DNAJC13: variants seen among roughly 807,000 people sequenced by gnomAD.
The protein encoded by DNAJC13 is dnaJ homolog subfamily C member 13.
DNAJC13 carries 75 observed loss-of-function variants against 290.5 expected under a neutral mutation model. The ratio of observed to expected loss-of-function variants is 0.26; its 90% CI spans 0.21 to 0.31. The LOEUF is 0.31. Ranked by LOEUF, DNAJC13 falls within the 10% of genes least tolerant of loss-of-function variation. The pLI, the probability that DNAJC13 is intolerant of heterozygous loss-of-function variation, is 1.00. For missense variants in DNAJC13, 2,260 were observed against 2,674.5 expected, an observed-to-expected ratio of 0.85 and a Z score of 3.42; for synonymous variants, 862 against 892.0, an observed-to-expected ratio of 0.97 and a Z score of 0.60.
At chr3:132,530,949 A>C (rs1189504208) in intron 54 of DNAJC13, 49 bp from the exon 55 acceptor site, 2 of 1,540,580 alleles carry the variant, frequency 1.3e-6, no homozygotes, top group Admixed American at 1.8e-5. Flanking sequence ...TTGTCTTCCA[A>C]CATCCAGTCC....
intron 1 of DNAJC13, among the ~76,000 whole-genome samples, chr3:132,432,493 C>T (rs569067668): frequency 6.6e-6 from 1 of 152,282 alleles, no homozygotes; most frequent in South Asian, 2.1e-4. Context: ...GCATGAGCCA[C>T]CGCTCCCGGC....
At chr3:132,428,013 GTC>G (rs1939144882) in intron 1 of DNAJC13, among the ~76,000 whole-genome samples, 1 of 152,208 alleles carries the variant, frequency 6.6e-6, no homozygotes, top group African/African-American at 2.4e-5. Flanking sequence ...TGTTGTGCTA[GTC>G]TCTAGTTAAC....
chr3:132,506,541 C>CTTTTTTTTTTTTTTT (rs34151394), intron 42 of DNAJC13, among the ~76,000 whole-genome samples: 4 of 54,758 alleles, frequency 7.3e-5, no homozygotes, highest in Non-Finnish European at 1.3e-4. Flanking sequence ...CAGTGTATTA[C>CTTTTTTTTTTTTTTT]TTTTTTTTTT....
At chr3:132,523,319 C>A in intron 50 of DNAJC13, 120 bp downstream of exon 50, 1 of 1,291,224 alleles carries the variant, frequency 7.7e-7, no homozygotes, top group Non-Finnish European at 1.1e-6. Context: ...GGGTATTCCC[C>A]TGGAAAATAA....
chr3:132,468,593 A>G (rs948636026), intron 20 of DNAJC13, among the ~76,000 whole-genome samples: 2 of 152,206 alleles, frequency 1.3e-5, no homozygotes, highest in Admixed American at 6.5e-5. Context: ...TAGTTTCATC[A>G]CTTGTTAATC....
chr3:132,467,308 A>T lies in DNAJC13; in HGVS notation c.2203A>T (p.Lys735Ter). 1 of 1,612,058 alleles carries T rather than the reference A, an allele frequency of 6.2e-7. No homozygotes were observed. Among genetic ancestry groups the T allele is most frequent in the African/African-American group, 1.3e-5 (1 of 74,958 alleles). Reference protein sequence around the residue: ...HWRDRMGIAQKENINQKPVVL... With the variant: ...HWRDRMGIAQ ...GAGGGATAGGATGGGCATTGCTCAA[A>T]AAGAGGTAAAAATAAAATTTGCTTC... is the stretch of plus-strand genomic sequence containing the variant. The change falls in exon 20 of 56, where the codon AAA (lysine) becomes TAA (stop). Residue 735 changes from lysine to a stop codon, truncating the protein, a stop_gained. Transcript: ENST00000260818. LOFTEE classifies it high-confidence loss of function.
intron 36 of DNAJC13, among the ~76,000 whole-genome samples, chr3:132,497,909 A>G (rs1216021877): frequency 6.6e-6 from 1 of 151,678 alleles, no homozygotes; most frequent in East Asian, 1.9e-4. Flanking sequence ...CCTTTTTTTT[A>G]AAAGCCAGTT....
chr3:132,447,306 T>C lies in DNAJC13; in HGVS notation c.145-15T>C. The C allele has an allele frequency of 3.5e-6, 5 of 1,416,232 alleles. No homozygotes were observed. Among genetic ancestry groups the C allele is most frequent in the Non-Finnish European group, 4.7e-6 (5 of 1,063,506 alleles). 87.7% of individuals were successfully genotyped at this position (1,416,232 alleles called of 1,614,324 possible). ...GTATTATAGTAGCACCAGTCAAAAT[T>C]TTTTTTTTTTTAAGTGGCCTTATGG... is the stretch of plus-strand genomic sequence containing the variant. On this transcript the variant is annotated splice_polypyrimidine_tract_variant and intron_variant, in intron 3 of 55. Transcript: ENST00000260818.
intron 20 of DNAJC13, among the ~76,000 whole-genome samples, chr3:132,468,859 C>G (rs1240036928): frequency 6.6e-6 from 1 of 152,138 alleles, no homozygotes; most frequent in Non-Finnish European, 1.5e-5. Context: ...AATAACAGTT[C>G]TTTCAAGCTG....
intron 19 of DNAJC13, 103 bp downstream of exon 19, chr3:132,466,497 A>T (rs1011580110): frequency 5.7e-5 from 49 of 856,956 alleles, no homozygotes; most frequent in Non-Finnish European, 7.6e-5. Context: ...CAAAGAATTC[A>T]TTGCATTGAA....
intron 27 of DNAJC13, among the ~76,000 whole-genome samples, chr3:132,482,701 A>G (rs943619591): frequency 6.6e-6 from 1 of 151,988 alleles, no homozygotes; most frequent in Admixed American, 6.6e-5. Flanking sequence ...TTGTTAAAAT[A>G]AAAAATAATT....
At chr3:132,440,639 T>C (rs945530056) in intron 2 of DNAJC13, among the ~76,000 whole-genome samples, 5 of 152,356 alleles carry the variant, frequency 3.3e-5, no homozygotes, top group African/African-American at 1.2e-4. Flanking sequence ...CCTTGTAGCC[T>C]AGGAGTGTAG....
chr3:132,495,302 G>T, intron 35 of DNAJC13, 136 bp downstream of exon 35: 1 of 613,800 alleles, frequency 1.6e-6, no homozygotes, highest in South Asian at 3.2e-5. Context: ...TAAACTTCTG[G>T]CCACATGCCC....
At chr3:132,493,660 C>T (rs1334378583) in intron 33 of DNAJC13, among the ~76,000 whole-genome samples, 3 of 151,888 alleles carry the variant, frequency 2.0e-5, no homozygotes, top group Non-Finnish European at 2.9e-5. Context: ...GTGTTCTATC[C>T]GTTACATTTG....
chr3:132,516,582 A>T (rs1239744842), intron 47 of DNAJC13, 86 bp downstream of exon 47: 2 of 1,539,990 alleles, frequency 1.3e-6, no homozygotes, highest in African/African-American at 2.8e-5. Flanking sequence ...GATAAACTAG[A>T]AGAATGCTTT....
intron 45 of DNAJC13, 129 bp downstream of exon 45, chr3:132,513,228 A>C: frequency 2.8e-6 from 2 of 708,284 alleles, no homozygotes; most frequent in South Asian, 3.5e-5. Flanking sequence ...ATTAAGACAC[A>C]TCAATATTTT....
rs1300229696 is a variant in DNAJC13 at position 132,491,008 on chromosome 3, G to C, written c.3580G>C (p.Gly1194Arg). The stretch of plus-strand genomic sequence containing the variant: ...TGAAAAGTTTTCTGAGATTTTTCTA[G>C]GAGAATTTGATACTCCAGAAGCAAT... ...EPEKFSEIFL[G>R]EFDTPEAIWS... The change falls in exon 32 of 56, where the codon GGA becomes CGA. Residue 1194 changes from glycine to arginine, a missense_variant. Around this residue, in one of 3 missense-constraint regions of DNAJC13, gnomAD observed 1,494 missense variants for 1,693.7 expected, o/e 0.88. Transcript: ENST00000260818. The C allele has an allele frequency of 1.9e-6, 3 of 1,612,558 alleles. No individual in the cohort carries two copies. The East Asian group carries it at 6.7e-5, about 36-fold the overall frequency.
Position 132,417,724 on chromosome 3 carries a change from G to T in DNAJC13, c.-50G>T, listed in dbSNP as rs1938830437. On this transcript the variant is annotated 5_prime_UTR_variant, in exon 1 of 56. It adds an upstream start codon to the 5' untranslated region. Coordinates refer to ENST00000260818, the MANE Select transcript of DNAJC13 (RefSeq NM_015268.4). ...TCTGGAAGCTGAGCCGGCGGCGGGA[G>T]GAGCTAGGGCTGGAGCCTCTCCAGC... 1.3e-5 allele frequency: 2 copies of T among 152,888 alleles called. No homozygotes were observed. Among genetic ancestry groups the T allele is most frequent in the African/African-American group, 4.8e-5 (2 of 41,600 alleles). The allele number at this position is 152,888 out of a possible 1,614,324, so 9.5% of individuals were successfully genotyped here.
At chr3:132,460,118 C>T (rs1400797142) in intron 13 of DNAJC13, 132 bp from the exon 14 acceptor site, 5 of 499,724 alleles carry the variant, frequency 1.0e-5, no homozygotes, top group Non-Finnish European at 1.8e-5. Flanking sequence ...TTCCTTTTTG[C>T]CTTACACTTT....
Sources: gnomAD v4.1 joint callset for allele counts (sites outside exome capture counted in the v4.1 genomes callset) on GRCh38, gnomAD v4.1.1 for gene constraint, gnomAD v4.1.1 regional missense constraint, MANE v1.5 for transcripts, NCBI Gene and HGNC (gene_info 2026-07-23, HGNC 2026-07-21) for gene names.